PPL: variants seen among roughly 807,000 people sequenced by gnomAD.
The protein encoded by PPL is periplakin, also known as 190 kDa paraneoplastic pemphigus antigen.
PPL carries 198 observed loss-of-function variants against 194.4 expected under a neutral mutation model. The ratio of observed to expected loss-of-function variants is 1.02; its 90% CI spans 0.91 to 1.15. The LOEUF (loss-of-function observed/expected upper bound fraction) is 1.15. Among genes scored for constraint, PPL ranks in the 50% most tolerant of loss-of-function variants. The pLI, the probability that PPL is intolerant of heterozygous loss-of-function variation, is 0.00. For synonymous variants in PPL, 1,220 were observed against 972.4 expected (o/e 1.25, Z -4.74); for missense variants, 2,885 against 2,294.8 (o/e 1.26, Z -5.25).
At chr16:4,911,477 C>A (rs930457075) in intron 1 of PPL, among the ~76,000 whole-genome samples, 2 of 151,560 alleles carry the variant, frequency 1.3e-5, no homozygotes, top group African/African-American at 4.8e-5. Flanking sequence ...CCACTTTGAT[C>A]ATTCTCTCTA....
intron 12 of PPL, 124 bp downstream of exon 12, chr16:4,894,343 T>G (rs2088377575): frequency 1.6e-6 from 2 of 1,218,230 alleles, no homozygotes; most frequent in Non-Finnish European, 1.1e-6. Flanking sequence ...GGGGTGCAGA[T>G]GGAGAGTGTC....
chr16:4,893,533 G>T lies in PPL; in HGVS notation c.1492+8C>A. On this transcript the variant is annotated splice_region_variant and intron_variant, in intron 13 of 21. Coordinates refer to ENST00000345988, the MANE Select transcript of PPL (RefSeq NM_002705.5). The stretch of plus-strand genomic sequence containing the variant: ...CCAGAGCCTCAGGCGAGTGGCCCTG[G>T]CACCCACCTCCGGGATTCTCGGTCT... 6.2e-7 allele frequency: 1 copy of T among 1,611,810 alleles called. No individual in the cohort carries two copies.
chr16:4,895,281 A>G lies in PPL; in HGVS notation c.1222T>C (p.Cys408Arg). ...CGCACCTGCTCCCCCTCAAAGTCAC[A>G]GAGTGCCTCCACGGGGATGGGCTTG... The part of the protein sequence containing the change: ...PLKPIPVEAL[C>R]DFEGEQGLIS... Residue 408 changes from cysteine to arginine, a missense_variant, in exon 11 of 22, where the codon TGT becomes CGT. By Grantham distance (180) the Cys-to-Arg change is radical. Transcript: ENST00000345988. 6.2e-7 allele frequency: 1 copy of G among 1,608,862 alleles called. No individual in the cohort carries two copies.
At position 4,884,367 on chromosome 16, in the gene PPL, G is replaced by T. The variant is rs758497320; in HGVS notation, c.4288C>A (p.Leu1430Met). Residue 1430 changes from leucine to methionine, a missense_variant, in exon 22 of 22, where the codon CTG becomes ATG. Transcript: ENST00000345988. This position sits in a 1 kb window ranked among gnomAD's most constrained non-coding sequence, Gnocchi z 5.7. ...VQRLQQRLAA[L>M]EQEEAEAREK... ...CGGGCCTCAGCTTCTTCCTGCTCCA[G>T]CGCTGCCAGCCGCTGCTGCAACCGC... 17 of 1,612,054 alleles carry T rather than the reference G, an allele frequency of 1.1e-5. No individual in the cohort carries two copies. In the East Asian group the frequency reaches 2.9e-4, roughly 27 times the overall value.
intron 1 of PPL, among the ~76,000 whole-genome samples, chr16:4,932,107 C>G (rs1219983625): frequency 2.0e-5 from 3 of 152,348 alleles, no homozygotes; most frequent in Non-Finnish European, 4.4e-5. Flanking sequence ...CCCAGGCCCC[C>G]CTGGACTTCC....
intron 16 of PPL, 132 bp downstream of exon 16, chr16:4,891,679 T>C: frequency 8.5e-7 from 1 of 1,176,882 alleles, no homozygotes; most frequent in Admixed American, 2.5e-5. Flanking sequence ...CATTTGCAGT[T>C]CCCAATTTGG....
chr16:4,891,734 C>T, intron 16 of PPL, 77 bp downstream of exon 16: 1 of 1,515,796 alleles, frequency 6.6e-7, no homozygotes, highest in Admixed American at 2.1e-5. Context: ...CCTCATCTAT[C>T]CAGACGGGCG....
At chr16:4,929,531 C>T (rs2089201715) in intron 1 of PPL, among the ~76,000 whole-genome samples, 2 of 152,310 alleles carry the variant, frequency 1.3e-5, no homozygotes, top group Admixed American at 1.3e-4. Flanking sequence ...ATCAGCCACG[C>T]ATGTCCCCAC....
At chr16:4,921,320 G>A (rs1212660072) in intron 1 of PPL, among the ~76,000 whole-genome samples, 1 of 152,228 alleles carries the variant, frequency 6.6e-6, no homozygotes, top group Admixed American at 6.5e-5. Context: ...TGAGCCCGCA[G>A]GCTTGAGCCT....
chr16:4,911,561 G>C (rs1001423833), intron 1 of PPL, among the ~76,000 whole-genome samples: 2 of 152,072 alleles, frequency 1.3e-5, no homozygotes, highest in Admixed American at 1.3e-4. Flanking sequence ...TTGAGACGGA[G>C]TCTCACACTC....
chr16:4,912,321 TCTGC>T (rs1237483717), intron 1 of PPL, among the ~76,000 whole-genome samples: 1 of 152,272 alleles, frequency 6.6e-6, no homozygotes, highest in Non-Finnish European at 1.5e-5. Context: ...GCCTTTTGCG[TCTGC>T]CTTCTCTCAG....
In PPL at chr16:4,889,251, T is replaced by TGG. The variant is rs1279838376; in HGVS notation, c.2314-191_2314-190insCC. On this transcript the variant is annotated intron_variant, in intron 18 of 21. Transcript: ENST00000345988. The stretch of plus-strand genomic sequence containing the variant: ...TTTTTTGTTGTTGTTGTTTTTTTTT[T>TGG]TTTTTTTTTTTTTTTTTTTTTTTGA... Among the ~76,000 whole-genome samples the TGG allele has an allele frequency of 4.6e-4, 41 of 88,282 alleles. 1 individual carries two copies. The highest frequency in any genetic ancestry group is 1.8e-3 in the East Asian group (4 of 2,246). The allele number at this position is 88,282 out of a possible 152,430, so 57.9% of individuals were successfully genotyped here.
At position 4,884,781 on chromosome 16, in the gene PPL, C is replaced by T. The variant is rs2088182370; in HGVS notation, c.3874G>A (p.Val1292Ile). ...TCTTGGAATTGGAGGATCTCCTGGA[C>T]CACCTCTTTGGTCTGGACCTGGGGT... ...TKPQVQTKEV[V>I]QEILQFQEDP... The change falls in exon 22 of 22, where the codon GTC (valine) becomes ATC (isoleucine). Residue 1292 changes from valine to isoleucine, a missense_variant. Val to Ile is a conservative substitution (Grantham distance 29). Transcript: ENST00000345988. This position sits in a 1 kb window ranked among gnomAD's most constrained non-coding sequence, Gnocchi z 5.7. 1 of 1,614,114 alleles carries T rather than the reference C, an allele frequency of 6.2e-7. No individual in the cohort carries two copies. Among genetic ancestry groups the T allele is most frequent in the Non-Finnish European group, 8.5e-7 (1 of 1,180,026 alleles).
chr16:4,894,072 G>T (rs1315171457), intron 12 of PPL, among the ~76,000 whole-genome samples: 1 of 152,192 alleles, frequency 6.6e-6, no homozygotes, highest in Non-Finnish European at 1.5e-5. Context: ...TGACGCATAC[G>T]CTAGTCACTT....
chr16:4,898,341 G>A (rs901913054), intron 8 of PPL, among the ~76,000 whole-genome samples: 6 of 152,184 alleles, frequency 3.9e-5, no homozygotes, highest in East Asian at 1.9e-4. Context: ...TTACACCATC[G>A]CACTCCAGCC....
intron 3 of PPL, 113 bp downstream of exon 3, chr16:4,903,773 C>G: frequency 1.6e-6 from 2 of 1,278,646 alleles, no homozygotes; most frequent in South Asian, 2.8e-5. Flanking sequence ...TGCCTGGCAC[C>G]TAATTAGCCC....
intron 1 of PPL, among the ~76,000 whole-genome samples, chr16:4,930,067 A>T (rs1160153813): frequency 6.6e-6 from 1 of 152,208 alleles, no homozygotes; most frequent in Non-Finnish European, 1.5e-5. Context: ...AAAAATGTAT[A>T]TATGCAAGCA....
chr16:4,896,291 C>T (rs1239367062), intron 9 of PPL, among the ~76,000 whole-genome samples: 2 of 152,162 alleles, frequency 1.3e-5, no homozygotes, highest in Non-Finnish European at 2.9e-5. Flanking sequence ...CTAAGAATTA[C>T]CCGCAGCTTC....
chr16:4,903,816 G>A, intron 3 of PPL, 70 bp downstream of exon 3: 1 of 1,579,764 alleles, frequency 6.3e-7, no homozygotes, highest in South Asian at 1.1e-5. Context: ...CCCAAATGCT[G>A]AACAGGACCC....
Sources: allele counts gnomAD v4.1 joint callset (sites outside exome capture counted in the v4.1 genomes callset), GRCh38; gene constraint gnomAD v4.1.1; non-coding constraint Gnocchi (gnomAD v3.1); transcripts MANE v1.5; gene names NCBI Gene and HGNC (gene_info 2026-07-23, HGNC 2026-07-21).